KY: variants seen among roughly 807,000 people sequenced by gnomAD.
KY encodes the protein kyphoscoliosis peptidase.
KY carries 43 observed loss-of-function variants against 76.1 expected under a neutral mutation model. The observed-to-expected ratio is 0.57, with a 90% CI of 0.44 to 0.73. KY has a LOEUF of 0.73. KY is among the 30% of genes least tolerant of loss of function. KY has a pLI of 0.00. For missense variants in KY, 722 were observed against 828.9 expected, an observed-to-expected ratio of 0.87 and a Z score of 1.58; for synonymous variants, 277 against 326.2, an observed-to-expected ratio of 0.85 and a Z score of 1.63.
In KY at chr3:134,610,182, G is replaced by A. The variant is rs1457956400; in HGVS notation, c.899+13C>T. Reference sequence around the variant, plus strand: ...CCTGCCAGACGCCCAGCAGAACTGAGACAAGTACTTACAGGAAGGTGAATT... The same window carrying A: ...CCTGCCAGACGCCCAGCAGAACTGAAACAAGTACTTACAGGAAGGTGAATT... On this transcript the variant is annotated intron_variant, in intron 9 of 10. Coordinates refer to ENST00000423778, the MANE Select transcript of KY (RefSeq NM_178554.6). 8 of 1,608,882 alleles carry A rather than the reference G, an allele frequency of 5.0e-6. No individual in the cohort carries two copies. Among genetic ancestry groups the A allele is most frequent in the Non-Finnish European group, 6.8e-6 (8 of 1,177,126 alleles).
At chr3:134,637,721 T>G (rs1965159321) in intron 3 of KY, among the ~76,000 whole-genome samples, 1 of 152,200 alleles carries the variant, frequency 6.6e-6, no homozygotes, top group African/African-American at 2.4e-5. Flanking sequence ...TAAGTCACAG[T>G]TAATGAAAAA....
chr3:134,641,287 T>G (rs1965729221), intron 3 of KY: 1 of 152,206 alleles, frequency 6.6e-6, no homozygotes, highest in South Asian at 2.1e-4. Context: ...CCTGTGAATG[T>G]TACCTAATAT....
chr3:134,635,373 T>C (rs1964797474), intron 3 of KY, among the ~76,000 whole-genome samples: 1 of 151,450 alleles, frequency 6.6e-6, no homozygotes, highest in Non-Finnish European at 1.5e-5. Flanking sequence ...GGCAGGCACC[T>C]GTAACCCCAG....
At chr3:134,640,291 G>C (rs1965581762) in intron 3 of KY, among the ~76,000 whole-genome samples, 1 of 152,140 alleles carries the variant, frequency 6.6e-6, no homozygotes, top group South Asian at 2.1e-4. Flanking sequence ...GAGACAGTAT[G>C]GGGGAGTAGT....
intron 8 of KY, among the ~76,000 whole-genome samples, chr3:134,612,285 A>G (rs1159884528): frequency 2.0e-5 from 3 of 152,164 alleles, no homozygotes; most frequent in Non-Finnish European, 4.4e-5. Flanking sequence ...GAGAAACTAG[A>G]TCCCAGTGTT....
intron 8 of KY, among the ~76,000 whole-genome samples, chr3:134,614,806 C>T (rs770246129): frequency 2.6e-5 from 4 of 152,088 alleles, no homozygotes; most frequent in Non-Finnish European, 5.9e-5. Context: ...AGGCCAGGCC[C>T]CAACAGCTGT....
chr3:134,606,174 G>A (rs901852428), intron 10 of KY, among the ~76,000 whole-genome samples: 3 of 152,234 alleles, frequency 2.0e-5, no homozygotes, highest in East Asian at 1.9e-4. Flanking sequence ...ACAACTGGCT[G>A]TGAGTCTTTT....
chr3:134,617,571 A>G (rs765336105), intron 8 of KY, among the ~76,000 whole-genome samples: 5 of 152,252 alleles, frequency 3.3e-5, no homozygotes, highest in Non-Finnish European at 5.9e-5. Context: ...TACCAGTGTT[A>G]GCTGTAAGTG....
At position 134,607,993 on chromosome 3, in the gene KY, G is replaced by A. The variant is rs552877238; in HGVS notation, c.1090+656C>T. On this transcript the variant is annotated intron_variant, in intron 10 of 10. Transcript: ENST00000423778. ...CATGTCCATCTCTGTCTAGCTACTA[G>A]GCCTGTTCTCCTCTCCCAAGACCCA... 1.1e-5 allele frequency: 11 copies of A among 1,034,154 alleles called. No homozygotes were observed. The South Asian group carries it at 4.0e-4, about 38-fold the overall frequency. 64.1% of individuals were successfully genotyped at this position (1,034,154 alleles called of 1,614,324 possible). A position where few individuals can be genotyped will look rare whatever the true frequency, so the allele number is the denominator to read the frequency against.
intron 8 of KY, among the ~76,000 whole-genome samples, chr3:134,612,200 T>A (rs9852909): frequency 0.16 from 24,849 of 152,146 alleles, 2,082 homozygotes; most frequent in South Asian, 0.25. Flanking sequence ...CTCTAAGGAA[T>A]CCCATAAGAA....
intron 2 of KY, among the ~76,000 whole-genome samples, chr3:134,645,549 C>T (rs79910609): frequency 0.017 from 2,540 of 152,320 alleles, 63 homozygotes; most frequent in African/African-American, 0.058. Flanking sequence ...CTCAGAATCT[C>T]GACATCAGAA....
intron 8 of KY, among the ~76,000 whole-genome samples, chr3:134,616,011 G>A (rs1188695435): frequency 6.6e-6 from 1 of 152,228 alleles, no homozygotes. Context: ...AAACCTGCTA[G>A]CTGGTGATGC....
intron 3 of KY, among the ~76,000 whole-genome samples, chr3:134,634,470 G>A (rs189688462): frequency 6.6e-6 from 1 of 152,210 alleles, no homozygotes; most frequent in African/African-American, 2.4e-5. Flanking sequence ...TTTTACAAAA[G>A]TGCAAAGACA....
At chr3:134,614,809 A>T (rs916589722) in intron 8 of KY, among the ~76,000 whole-genome samples, 1 of 152,152 alleles carries the variant, frequency 6.6e-6, no homozygotes, top group Non-Finnish European at 1.5e-5. Context: ...CCAGGCCCCA[A>T]CAGCTGTGTG....
chr3:134,607,715 A>G (rs1577587706), intron 10 of KY: 1 of 985,728 alleles, frequency 1.0e-6, no homozygotes, highest in Non-Finnish European at 1.2e-6. Flanking sequence ...GTGCAAACAT[A>G]CTCAGCTGCC....
intron 8 of KY, among the ~76,000 whole-genome samples, chr3:134,614,333 A>G (rs1961098248): frequency 6.6e-6 from 1 of 152,166 alleles, no homozygotes; most frequent in Admixed American, 6.5e-5. Flanking sequence ...TCTACTTTAC[A>G]GAATTGACAA....
intron 8 of KY, among the ~76,000 whole-genome samples, chr3:134,616,135 G>T (rs1961524497): frequency 6.6e-6 from 1 of 152,154 alleles, no homozygotes. Flanking sequence ...AAGGATGCAG[G>T]CAACTGAGGC....
rs750708237 is a variant in KY at position 134,603,565 on chromosome 3, C to T, written c.*14G>A. 3.9e-6 allele frequency: 6 copies of T among 1,557,326 alleles called. No individual in the cohort carries two copies. Among genetic ancestry groups the T allele is most frequent in the Non-Finnish European group, 4.4e-6 (5 of 1,147,294 alleles). ...GCCTTGGCCCTTTGGGAGGGTAAGACCGGGGCACAGCCCTCACTGGGCATT... is the reference window on the plus strand; with the variant it reads ...GCCTTGGCCCTTTGGGAGGGTAAGATCGGGGCACAGCCCTCACTGGGCATT... On this transcript the variant is annotated 3_prime_UTR_variant, in exon 11 of 11. Coordinates refer to ENST00000423778, the MANE Select transcript of KY (RefSeq NM_178554.6).
At chr3:134,632,932 C>T (rs981086494) in intron 3 of KY, among the ~76,000 whole-genome samples, 15 of 151,916 alleles carry the variant, frequency 9.9e-5, no homozygotes, top group Admixed American at 5.2e-4. Context: ...TGAGGGCTAT[C>T]GCTACAGACC....
Sources: allele counts gnomAD v4.1 joint callset (sites outside exome capture counted in the v4.1 genomes callset), GRCh38; gene constraint gnomAD v4.1.1; transcripts MANE v1.5; gene names NCBI Gene and HGNC (gene_info 2026-07-23, HGNC 2026-07-21).